The following PHACTR4 variants were observed in gnomAD, a reference collection of about 807,000 sequenced individuals.
PHACTR4 encodes the protein phosphatase and actin regulator 4, also known as protein phosphatase 1, regulatory subunit 124.
A neutral mutation model predicts 72.7 loss-of-function variants in PHACTR4; 51 were observed. The ratio of observed to expected loss-of-function variants is 0.70; its 90% CI spans 0.56 to 0.89. PHACTR4 has a LOEUF of 0.89. PHACTR4 is among the 40% of genes least tolerant of loss of function. The pLI, the probability that PHACTR4 is intolerant of heterozygous loss-of-function variation, is 0.00. For missense variants in PHACTR4, 731 were observed against 861.8 expected (o/e 0.85, Z 1.90); for synonymous variants, 255 against 302.5 (o/e 0.84, Z 1.63).
chr1:28,459,395 C>CTT lies in PHACTR4; in HGVS notation c.190+157_190+158dup, dbSNP rs367934288. On this transcript the variant is annotated intron_variant, in intron 3 of 13. Transcript: ENST00000373839. ...TTTAATGTTTTATTCTTTCCTTCTT[C>CTT]TTTTTTTTTTTTTTTTTTTTTGGTG... 1,474 of 281,712 alleles carry CTT rather than the reference C, an allele frequency of 5.2e-3. 1 individual carries two copies. Among genetic ancestry groups the CTT allele is most frequent in the African/African-American group, 0.014 (448 of 32,430 alleles). 17.5% of individuals were successfully genotyped at this position (281,712 alleles called of 1,614,324 possible).
rs114526863 is a variant in PHACTR4 at position 28,379,107 on chromosome 1, G to A, written c.-39+9282G>A. 5.0e-3 allele frequency among the ~76,000 whole-genome samples: 758 copies of A among 151,920 alleles called. 5 individuals are homozygous for A. The highest frequency in any genetic ancestry group is 0.017 in the African/African-American group (709 of 41,450). ...GAGTAGCTGGGACTACAGGCATACC[G>A]CCATGCCTGGCTAATTTTTGGGTTT... On this transcript the variant is annotated intron_variant, in intron 1 of 13. Transcript: ENST00000373839.
intron 4 of PHACTR4, among the ~76,000 whole-genome samples, chr1:28,461,630 G>A (rs1658814222): frequency 6.6e-6 from 1 of 152,092 alleles, no homozygotes; most frequent in Non-Finnish European, 1.5e-5. Flanking sequence ...GCTTGAAGGA[G>A]CAATTTGAAA....
chr1:28,464,939 G>A (rs943354466), intron 4 of PHACTR4, among the ~76,000 whole-genome samples: 1 of 151,840 alleles, frequency 6.6e-6, no homozygotes. Flanking sequence ...CTTGACCTCA[G>A]GTGATCCACC....
At chr1:28,479,584 GA>G (rs1170640129) in intron 8 of PHACTR4, among the ~76,000 whole-genome samples, 10,583 of 84,518 alleles carry the variant, frequency 0.13, 830 homozygotes, top group African/African-American at 0.29. Context: ...CTCCGCCTCA[GA>G]AAAAAAAAAA....
intron 2 of PHACTR4, chr1:28,454,032 A>T (rs895991650): frequency 5.6e-6 from 2 of 357,526 alleles, no homozygotes; most frequent in Non-Finnish European, 1.1e-5. Context: ...CCTGGGCAAG[A>T]TAGCAAGACC....
intron 2 of PHACTR4, chr1:28,438,146 A>G (rs920180248): frequency 1.7e-6 from 2 of 1,189,074 alleles, no homozygotes; most frequent in East Asian, 8.7e-5. Flanking sequence ...CTGGAATGAC[A>G]GGCATTCCTG....
At chr1:28,392,207 A>G (rs1330770515) in intron 1 of PHACTR4, among the ~76,000 whole-genome samples, 3 of 152,044 alleles carry the variant, frequency 2.0e-5, no homozygotes, top group Non-Finnish European at 4.4e-5. Flanking sequence ...CGTCCTGCGT[A>G]TGTCATGAAT....
intron 1 of PHACTR4, among the ~76,000 whole-genome samples, chr1:28,372,148 G>A (rs1651297604): frequency 6.6e-6 from 1 of 151,808 alleles, no homozygotes; most frequent in African/African-American, 2.4e-5. Context: ...GCCTCCCAAA[G>A]TGCTGGGATT....
At position 28,466,382 on chromosome 1, in the gene PHACTR4, G is replaced by C. The variant is rs1437667291; in HGVS notation, c.437G>C (p.Gly146Ala). ...TTATACCATACATGTTATTACACAG[G>C]CTCAACTGGAAGCCAGCCTAATTCT... ...IPEEDLKKRL[G>A]STGSQPNSEA... The change falls in exon 6 of 14, where the codon GGC becomes GCC. Residue 146 changes from glycine to alanine, a missense_variant and splice_region_variant. Gly to Ala is a moderately conservative substitution (Grantham distance 60). Coordinates refer to ENST00000373839, the MANE Select transcript of PHACTR4 (RefSeq NM_001048183.3). 1 of 1,608,640 alleles carries C rather than the reference G, an allele frequency of 6.2e-7. No individual in the cohort carries two copies. Among genetic ancestry groups the C allele is most frequent in the African/African-American group, 1.3e-5 (1 of 74,764 alleles).
rs376582293 is a variant in PHACTR4, at chr1:28,476,137, C to G, written c.1452C>G (p.Thr484=). 6.2e-7 allele frequency: 1 copy of G among 1,611,986 alleles called. No homozygotes were observed. The highest frequency in any genetic ancestry group is 8.5e-7 in the Non-Finnish European group (1 of 1,179,390). Residue 484 remains threonine, a synonymous_variant, in exon 8 of 14, where the codon ACC becomes ACG. Transcript: ENST00000373839. ...ACGATGAAGAAGAAGAGGAGCAAAC[C>G]TGTCCATCCACATTCAGTGAAGAAA... ...VPDDEEEEEQ[T]CPSTFSEEMT...
In PHACTR4 at chr1:28,498,022, A is replaced by G. The variant is rs1570136076; in HGVS notation, c.*1473A>G. 1 of 151,612 alleles carries G rather than the reference A, an allele frequency of 6.6e-6. No individual in the cohort carries two copies. The highest frequency in any genetic ancestry group is 1.5e-5 in the Non-Finnish European group (1 of 67,956). 9.4% of individuals were successfully genotyped at this position (151,612 alleles called of 1,614,324 possible). ...AAAAAAAAAAAAAAGCCTTAATATT[A>G]ATGCTAACGTGGCAGAAAACTAGCA... On this transcript the variant is annotated 3_prime_UTR_variant, in exon 14 of 14. Coordinates refer to ENST00000373839, the MANE Select transcript of PHACTR4 (RefSeq NM_001048183.3).
intron 9 of PHACTR4, among the ~76,000 whole-genome samples, chr1:28,487,363 C>T (rs907915836): frequency 1.3e-4 from 19 of 150,160 alleles, no homozygotes; most frequent in Non-Finnish European, 2.7e-4. Context: ...AAGATTCTGC[C>T]TAAAAAAAAA....
rs1661454919 is a variant in PHACTR4 at position 28,497,940 on chromosome 1, G to A, written c.*1391G>A. 6.6e-6 allele frequency: 1 copy of A among 150,764 alleles called. No individual in the cohort carries two copies. Among genetic ancestry groups the A allele is most frequent in the African/African-American group, 2.4e-5 (1 of 40,852 alleles). 9.3% of individuals were successfully genotyped at this position (150,764 alleles called of 1,614,324 possible). ...GAACCTGGGAGGTGGAGATTGCAGT[G>A]AGCCGAGATCGCGCCACTGCACTCC... On this transcript the variant is annotated 3_prime_UTR_variant, in exon 14 of 14. Transcript: ENST00000373839.
At position 28,460,211 on chromosome 1, in the gene PHACTR4, G is replaced by C; in HGVS notation, c.191-1G>C. On this transcript the variant is annotated splice_acceptor_variant, in intron 3 of 13. Transcript: ENST00000373839. LOFTEE classifies it high-confidence loss of function. ...AGTGCCATTTTCCAATTTAATGTTA[G>C]TTTTAGAACGGAAAATATCTATGCG... 2 of 1,611,558 alleles carry C rather than the reference G, an allele frequency of 1.2e-6. No individual in the cohort carries two copies. The highest frequency in any genetic ancestry group is 2.2e-5 in the South Asian group (2 of 90,828).
Position 28,480,528 on chromosome 1 carries a change from A to T in PHACTR4, c.1684A>T (p.Asn562Tyr), listed in dbSNP as rs748489960. The change falls in exon 9 of 14, where the codon AAC becomes TAC. Residue 562 changes from asparagine to tyrosine, a missense_variant. By Grantham distance (143) the Asn-to-Tyr change is moderately radical. This residue lies in a region of PHACTR4 where 110 missense variants were observed against 185.2 expected (regional missense o/e 0.59). Transcript: ENST00000373839. ...CCACAGACCCAGTGAACCAGAGTTG[A>T]ACCTGAATTCTTGGCCTTGTAAAAG... ...LNHRPSEPELNLNSWPCKSKE... is the reference protein window; with the variant it reads ...LNHRPSEPELYLNSWPCKSKE... 6.2e-7 allele frequency: 1 copy of T among 1,614,200 alleles called. No homozygotes were observed. The highest frequency in any genetic ancestry group is 8.5e-7 in the Non-Finnish European group (1 of 1,180,038).
At position 28,473,643 on chromosome 1, in the gene PHACTR4, G is replaced by A. The variant is rs1177065140; in HGVS notation, c.913G>A (p.Val305Ile). 6.2e-7 allele frequency: 1 copy of A among 1,613,972 alleles called. No homozygotes were observed. The highest frequency in any genetic ancestry group is 1.3e-5 in the African/African-American group (1 of 74,962). Reference sequence around the variant, plus strand: ...TAAGAGAGGCATTCCATCAACCTCAGTACCCACCTTGGAGTCTGCTGCTGC... The same window carrying A: ...TAAGAGAGGCATTCCATCAACCTCAATACCCACCTTGGAGTCTGCTGCTGC... ...PPKRGIPSTS[V>I]PTLESAAAIT... is the part of the protein sequence containing the mutation. Residue 305 changes from valine to isoleucine, a missense_variant, in exon 7 of 14, where the codon GTA becomes ATA. Val to Ile is a conservative substitution (Grantham distance 29, BLOSUM62 3). Coordinates refer to ENST00000373839, the MANE Select transcript of PHACTR4 (RefSeq NM_001048183.3).
At chr1:28,470,058 CA>C (rs138242663) in intron 6 of PHACTR4, among the ~76,000 whole-genome samples, 38,493 of 138,954 alleles carry the variant, frequency 0.28, 4,987 homozygotes, top group Middle Eastern at 0.36. Context: ...GACTCTGTCT[CA>C]AAAAAAAAAA....
chr1:28,427,956 T>G (rs761452970), intron 2 of PHACTR4, among the ~76,000 whole-genome samples: 2 of 152,280 alleles, frequency 1.3e-5, no homozygotes, highest in Non-Finnish European at 2.9e-5. Flanking sequence ...TAGAGTACAC[T>G]ATGGTCACTA....
In PHACTR4 at chr1:28,474,526, G is replaced by GA. The variant is rs532367909; in HGVS notation, c.1421+382dup. Among the ~76,000 whole-genome samples, 17 of 150,468 alleles carry GA rather than the reference G, an allele frequency of 1.1e-4. No homozygotes were observed. In the East Asian group the frequency reaches 3.3e-3, roughly 30 times the overall value. On this transcript the variant is annotated intron_variant, in intron 7 of 13. Transcript: ENST00000373839. Reference sequence around the variant, plus strand: ...CGACAAAGCGAGTCTCTGTCTCACAGAAAAAAAGAAAATGTGAATAATTTT... The same window carrying GA: ...CGACAAAGCGAGTCTCTGTCTCACAGAAAAAAAAGAAAATGTGAATAATTTT...
Sources: allele counts gnomAD v4.1 joint callset (sites outside exome capture counted in the v4.1 genomes callset), GRCh38; gene constraint gnomAD v4.1.1; regional missense constraint gnomAD v4.1.1; transcripts MANE v1.5; gene names NCBI Gene and HGNC (gene_info 2026-07-23, HGNC 2026-07-21).